Variants in ANK3 observed in about 807,000 individuals in gnomAD.
ANK3 encodes the protein ankyrin 3.
Under a neutral mutation model 370.9 loss-of-function variants are expected in ANK3, and 57 were observed. That is an observed-to-expected ratio of 0.15 (90% CI 0.12 to 0.19). The LOEUF is 0.19. Among genes scored for constraint, ANK3 ranks in the 10% least tolerant of loss-of-function variants. The pLI, the probability that ANK3 is intolerant of heterozygous loss-of-function variation, is 1.00. For synonymous variants in ANK3, 1,929 were observed against 1,946.3 expected (o/e 0.99, Z 0.23); for missense variants, 4,439 against 5,302.1 (o/e 0.84, Z 5.06).
At chr10:60,612,564 T>A (rs1004240540) in intron 2 of ANK3, among the ~76,000 whole-genome samples, 1 of 152,194 alleles carries the variant, frequency 6.6e-6, no homozygotes, top group Admixed American at 6.5e-5. Context: ...CGATCTCGGC[T>A]CACTGCAACC....
chr10:60,514,858 A>G (rs1283482218), intron 2 of ANK3, among the ~76,000 whole-genome samples: 1 of 152,192 alleles, frequency 6.6e-6, no homozygotes, highest in African/African-American at 2.4e-5. Context: ...ATAAACACAT[A>G]AAAGTGTATC....
chr10:60,391,160 C>G (rs1004423393), upstream of ANK3, among the ~76,000 whole-genome samples: 1 of 152,184 alleles, frequency 6.6e-6, no homozygotes, highest in Non-Finnish European at 1.5e-5. Context: ...GCATCCCATT[C>G]CTACTACCAA....
chr10:60,589,486 T>C (rs945440926), intron 2 of ANK3, among the ~76,000 whole-genome samples: 5 of 152,000 alleles, frequency 3.3e-5, no homozygotes, highest in Admixed American at 6.6e-5. Flanking sequence ...AAGTTACTGA[T>C]AGACTTTTTT....
At chr10:60,569,750 C>A (rs1237434956) in intron 2 of ANK3, among the ~76,000 whole-genome samples, 1 of 151,724 alleles carries the variant, frequency 6.6e-6, no homozygotes, top group African/African-American at 2.4e-5. Context: ...AAACACTCAA[C>A]ACCAACACAT....
rs79805561 is a variant in ANK3, at chr10:60,527,742, T to C, written c.96+87444A>G. Among the ~76,000 whole-genome samples, 356 of 152,286 alleles carry C rather than the reference T, an allele frequency of 2.3e-3. 1 individual carries two copies. Among genetic ancestry groups the C allele is most frequent in the African/African-American group, 8.1e-3 (336 of 41,574 alleles). On this transcript the variant is annotated intron_variant, in intron 2 of 43. Transcript: ENST00000373827. ...CCATCTCCTTCAGTGGTTTTCAAAC[T>C]GTAATTTTGCCTGCTAAAGGCTCTC...
chr10:60,416,824 C>A (rs950054737), intron 2 of ANK3, among the ~76,000 whole-genome samples: 1 of 152,208 alleles, frequency 6.6e-6, no homozygotes, highest in Admixed American at 6.5e-5. Flanking sequence ...TCTGTATCTT[C>A]ATTCCACTGG....
At chr10:60,137,241 C>A in intron 24 of ANK3, 1 of 199,532 alleles carries the variant, frequency 5.0e-6, no homozygotes, top group South Asian at 6.8e-5. Context: ...CACATCGCAG[C>A]ACATCACAGC....
chr10:60,134,140 T>G (rs3213829), intron 25 of ANK3, 131 bp downstream of exon 25: 356,324 of 699,396 alleles, frequency 0.51, 95,079 homozygotes, highest in African/African-American at 0.66. Flanking sequence ...TTTAACTGGC[T>G]AGTACCAGAA....
chr10:60,135,706 A>G (rs1209190082), intron 24 of ANK3, among the ~76,000 whole-genome samples: 1 of 152,272 alleles, frequency 6.6e-6, no homozygotes. Flanking sequence ...GAAGATACAC[A>G]TAAGAGGTAA....
intron 13 of ANK3, 41 bp from the exon 14 acceptor site, chr10:60,198,578 A>C (rs369892021): frequency 7.7e-5 from 121 of 1,574,032 alleles, no homozygotes; most frequent in Non-Finnish European, 1.0e-4. Flanking sequence ...TGAGCTGAGG[A>C]AACAATGGTG....
intron 23 of ANK3, among the ~76,000 whole-genome samples, chr10:60,151,857 A>G (rs956372061): frequency 2.0e-5 from 3 of 152,220 alleles, no homozygotes; most frequent in Non-Finnish European, 4.4e-5. Flanking sequence ...TGTGACCTTA[A>G]TCAAGTTCCT....
intron 18 of ANK3, among the ~76,000 whole-genome samples, chr10:60,174,233 G>A (rs2095866282): frequency 6.6e-6 from 1 of 152,190 alleles, no homozygotes; most frequent in South Asian, 2.1e-4. Flanking sequence ...GGGATGTGCT[G>A]CCCTAGAGCG....
In ANK3 at chr10:60,621,460, T is replaced by A. The variant is rs568183771; in HGVS notation, c.58-6236A>T. ...CACTTGAATAAATGAACTGAGATGA[T>A]TCTCATTTACAATATTTTTGCATTA... On this transcript the variant is annotated intron_variant, in intron 1 of 43. Coordinates refer to the ANK3 transcript ENST00000373827. Among the ~76,000 whole-genome samples the A allele has an allele frequency of 7.9e-5, 12 of 152,334 alleles. No individual in the cohort carries two copies. In the East Asian group the frequency reaches 2.3e-3, roughly 29 times the overall value.
At chr10:60,195,200 C>T (rs931560656) in intron 16 of ANK3, among the ~76,000 whole-genome samples, 10 of 151,932 alleles carry the variant, frequency 6.6e-5, no homozygotes, top group East Asian at 1.9e-4. Flanking sequence ...ATCCTGGCTA[C>T]GGTGAAACCC....
intron 21 of ANK3, among the ~76,000 whole-genome samples, chr10:60,168,937 G>A (rs527904447): frequency 2.0e-5 from 3 of 152,142 alleles, no homozygotes; most frequent in Non-Finnish European, 4.4e-5. Context: ...TCTTTATCCA[G>A]TCTATCATTG....
At chr10:60,172,488 C>T (rs2095819036) in intron 20 of ANK3, 85 bp from the exon 21 acceptor site, 4 of 1,003,760 alleles carry the variant, frequency 4.0e-6, no homozygotes, top group Non-Finnish European at 4.6e-6. Flanking sequence ...GTGAGTGTCT[C>T]ATCAGACCCA....
intron 1 of ANK3, among the ~76,000 whole-genome samples, chr10:60,329,500 T>C (rs1293111079): frequency 6.6e-6 from 1 of 151,794 alleles, no homozygotes; most frequent in African/African-American, 2.4e-5. Flanking sequence ...TAGACAAACA[T>C]AAAGCCAAAT....
intron 38 of ANK3, 30 bp downstream of exon 38, chr10:60,067,905 T>G (rs779818262): frequency 2.0e-6 from 3 of 1,538,240 alleles, no homozygotes; most frequent in Admixed American, 3.4e-5. Context: ...AAGAAACTAA[T>G]TTGTTCCATT....
chr10:60,381,078 A>G (rs1484903763), intron 1 of ANK3, among the ~76,000 whole-genome samples: 1 of 152,180 alleles, frequency 6.6e-6, no homozygotes, highest in African/African-American at 2.4e-5. Flanking sequence ...CAATGCCTCT[A>G]TCATGGACAC....
Sources: gnomAD v4.1 joint callset for allele counts (sites outside exome capture counted in the v4.1 genomes callset) on GRCh38, gnomAD v4.1.1 for gene constraint, MANE v1.5 for transcripts, NCBI Gene and HGNC (gene_info 2026-07-23, HGNC 2026-07-21) for gene names.